Variants in NIPBL observed in about 807,000 individuals in gnomAD.
NIPBL encodes nipped-B-like protein.
A neutral mutation model predicts 321.8 loss-of-function variants in NIPBL; 19 were observed. The observed-to-expected ratio is 0.06, with a 90% CI of 0.04 to 0.09. The LOEUF (loss-of-function observed/expected upper bound fraction) is 0.09, where lower values mean the gene tolerates loss of function less well. Ranked by LOEUF, NIPBL falls within the 10% of genes least tolerant of loss-of-function variation. The probability of loss-of-function intolerance (pLI) is 1.00; values close to 1 mark genes in which losing one functional copy is unlikely to be tolerated. For missense variants in NIPBL, 2,210 were observed against 3,327.0 expected (o/e 0.66, Z 8.26); for synonymous variants, 1,106 against 1,114.1 (o/e 0.99, Z 0.14).
intron 9 of NIPBL, 75 bp from the exon 10 acceptor site, chr5:36,984,597 TAAAC>T (rs1744527642): frequency 1.1e-5 from 14 of 1,320,808 alleles, no homozygotes; most frequent in East Asian, 4.7e-5. Flanking sequence ...CTTAAAAAGA[TAAAC>T]AACGTCCATA....
In NIPBL at chr5:37,065,140, C is replaced by A; in HGVS notation, c.*248C>A. 2.0e-6 allele frequency: 1 copy of A among 497,420 alleles called. No individual in the cohort carries two copies. The highest frequency in any genetic ancestry group is 3.6e-6 in the Non-Finnish European group (1 of 280,268). 30.8% of individuals were successfully genotyped at this position (497,420 alleles called of 1,614,324 possible). ...ATAGTTTAACAAAAATTGTTTATATCTTGGAAAAAAAACTTTCTGTTTAAA... is the reference window on the plus strand; with the variant it reads ...ATAGTTTAACAAAAATTGTTTATATATTGGAAAAAAAACTTTCTGTTTAAA... On this transcript the variant is annotated 3_prime_UTR_variant, in exon 47 of 47. Transcript: ENST00000282516.
chr5:37,022,065 T>C lies in NIPBL; in HGVS notation c.5343T>C (p.Leu1781=). The C allele has an allele frequency of 6.2e-7, 1 of 1,614,130 alleles. No individual in the cohort carries two copies. The highest frequency in any genetic ancestry group is 1.7e-5 in the Admixed American group (1 of 60,028). Residue 1781 remains leucine, a synonymous_variant, in exon 28 of 47, where the codon CTT becomes CTC. Coordinates refer to ENST00000282516, the MANE Select transcript of NIPBL (RefSeq NM_133433.4). ...DIYLTQILRV[L]GENAIAVRTK... is the part of the protein sequence containing the mutation. ...TTGCTTGGCAGATCCTACGAGTTCT[T>C]GGTGAAAATGCAATTGCTGTTCGAA...
intron 6 of NIPBL, among the ~76,000 whole-genome samples, 162 bp from the exon 7 acceptor site, chr5:36,970,714 T>A (rs1742758548): frequency 6.6e-6 from 1 of 152,116 alleles, no homozygotes; most frequent in Non-Finnish European, 1.5e-5. Flanking sequence ...TAGATTGGAA[T>A]CTGGCAGAGT....
At chr5:36,917,054 T>G (rs1325072709) in intron 1 of NIPBL, among the ~76,000 whole-genome samples, 1 of 152,240 alleles carries the variant, frequency 6.6e-6, no homozygotes, top group African/African-American at 2.4e-5. Context: ...TTTCTAATTC[T>G]AGATCCTTGA....
At chr5:36,976,436 T>C in intron 9 of NIPBL, 34 bp downstream of exon 9, 2 of 1,597,090 alleles carry the variant, frequency 1.3e-6, no homozygotes, top group Non-Finnish European at 1.7e-6. Context: ...CTTCATCATC[T>C]GGGCAAATAT....
chr5:36,994,221 G>A (rs570811595), intron 10 of NIPBL, among the ~76,000 whole-genome samples: 3 of 152,038 alleles, frequency 2.0e-5, no homozygotes, highest in South Asian at 2.1e-4. Flanking sequence ...TAAACTCAAC[G>A]TTAGTTAGAA....
At chr5:36,919,527 C>T (rs1413192725) in intron 1 of NIPBL, among the ~76,000 whole-genome samples, 2 of 152,074 alleles carry the variant, frequency 1.3e-5, no homozygotes, top group African/African-American at 4.8e-5. Context: ...CCATGTGCTT[C>T]TGTGAACTTT....
chr5:36,882,269 T>G (rs1745562327), intron 1 of NIPBL, among the ~76,000 whole-genome samples: 1 of 151,962 alleles, frequency 6.6e-6, no homozygotes, highest in South Asian at 2.1e-4. Context: ...TTAGGGATTT[T>G]TTTTGTGTCT....
chr5:36,924,102 TA>T (rs1237289072), intron 1 of NIPBL, among the ~76,000 whole-genome samples: 2 of 152,172 alleles, frequency 1.3e-5, no homozygotes, highest in Non-Finnish European at 2.9e-5. Flanking sequence ...TTAATCAAAC[TA>T]AATCAGATAA....
At chr5:36,990,507 A>G (rs1331855730) in intron 10 of NIPBL, among the ~76,000 whole-genome samples, 1 of 152,178 alleles carries the variant, frequency 6.6e-6, no homozygotes, top group Non-Finnish European at 1.5e-5. Flanking sequence ...GTGGAAATTT[A>G]TTTTGTTTCA....
rs76297333 is a variant in NIPBL at position 37,008,730 on chromosome 5, A to G, written c.4421+7A>G. The G allele has an allele frequency of 6.7e-3, 9,579 of 1,431,466 alleles. 170 individuals carry two copies. The highest frequency in any genetic ancestry group is 0.064 in the African/African-American group (4,570 of 71,350). 88.7% of individuals were successfully genotyped at this position (1,431,466 alleles called of 1,614,324 possible). On this transcript the variant is annotated splice_region_variant and intron_variant, in intron 20 of 46. Coordinates refer to ENST00000282516, the MANE Select transcript of NIPBL (RefSeq NM_133433.4). The stretch of plus-strand genomic sequence containing the variant: ...GGAGTTTAAGGAACTTCAGGTAATT[A>G]ATTATAACAGAGGTCAAGTTTAATG...
rs775508880 is a variant in NIPBL at position 37,000,979 on chromosome 5, T to C, written c.3575-10T>C. On this transcript the variant is annotated splice_polypyrimidine_tract_variant and intron_variant, in intron 13 of 46. Transcript: ENST00000282516. ...TGTGAGAATAATGAATATATTTTTC[T>C]CTCTTGCAGAAATGATGGACTCTTC... is the stretch of plus-strand genomic sequence containing the variant. 1 of 1,604,864 alleles carries C rather than the reference T, an allele frequency of 6.2e-7. No homozygotes were observed. Among genetic ancestry groups the C allele is most frequent in the African/African-American group, 1.3e-5 (1 of 74,798 alleles).
intron 1 of NIPBL, among the ~76,000 whole-genome samples, chr5:36,898,270 T>A (rs1746930434): frequency 6.6e-6 from 1 of 152,216 alleles, no homozygotes; most frequent in Admixed American, 6.5e-5. Context: ...AATATTGTTG[T>A]TCTTATCAGT....
chr5:37,019,430 A>G (rs765104527), intron 25 of NIPBL, 30 bp downstream of exon 25: 1 of 1,498,472 alleles, frequency 6.7e-7, no homozygotes, highest in Non-Finnish European at 9.3e-7. Context: ...TTTTGGAGAT[A>G]CTACATGTTT....
intron 1 of NIPBL, among the ~76,000 whole-genome samples, chr5:36,942,631 C>A (rs1420789155): frequency 6.6e-6 from 1 of 150,534 alleles, no homozygotes; most frequent in Non-Finnish European, 1.5e-5. Context: ...GCCCCAGCTA[C>A]TTGGGGGGCT....
intron 1 of NIPBL, among the ~76,000 whole-genome samples, chr5:36,896,305 G>GT (rs1345390938): frequency 2.0e-5 from 3 of 152,304 alleles, no homozygotes; most frequent in African/African-American, 7.2e-5. Context: ...CCTTACGCCA[G>GT]TACTACACTG....
chr5:37,038,314 C>G (rs1469793207), intron 33 of NIPBL, among the ~76,000 whole-genome samples: 1 of 152,050 alleles, frequency 6.6e-6, no homozygotes, highest in Non-Finnish European at 1.5e-5. Flanking sequence ...AAAACCAATA[C>G]GACATTTATT....
chr5:36,987,552 A>G (rs1744965115), intron 10 of NIPBL, among the ~76,000 whole-genome samples: 1 of 152,200 alleles, frequency 6.6e-6, no homozygotes, highest in South Asian at 2.1e-4. Flanking sequence ...GCTCTTTGAA[A>G]ACATATTATA....
intron 30 of NIPBL, among the ~76,000 whole-genome samples, chr5:37,025,614 A>G (rs994617907): frequency 1.4e-4 from 21 of 152,230 alleles, no homozygotes; most frequent in African/African-American, 5.1e-4. Flanking sequence ...TAGGGTGACT[A>G]TAGTTAACAA....
Sources: allele counts gnomAD v4.1 joint callset (sites outside exome capture counted in the v4.1 genomes callset), GRCh38; gene constraint gnomAD v4.1.1; transcripts MANE v1.5; gene names NCBI Gene and HGNC (gene_info 2026-07-23, HGNC 2026-07-21).